Variants in GLI2 observed in about 807,000 individuals in gnomAD.
GLI2 encodes GLI family zinc finger 2.
Under a neutral mutation model 78.9 loss-of-function variants are expected in GLI2, and 22 were observed. That is an observed-to-expected ratio of 0.28 (90% CI 0.20 to 0.40). GLI2 has a LOEUF of 0.40. GLI2 is among the 10% of genes least tolerant of loss of function. GLI2 has a pLI of 1.00. For missense variants in GLI2, 2,097 were observed against 2,213.2 expected, an observed-to-expected ratio of 0.95 and a Z score of 1.05; for synonymous variants, 974 against 963.7, an observed-to-expected ratio of 1.01 and a Z score of -0.20.
At chr2:120,913,878 G>A (rs1678956689) in intron 2 of GLI2, among the ~76,000 whole-genome samples, 1 of 152,226 alleles carries the variant, frequency 6.6e-6, no homozygotes. Context: ...CCAGGGCCTG[G>A]TGGAGACCAA....
intron 2 of GLI2, among the ~76,000 whole-genome samples, chr2:120,897,853 A>G (rs1034105934): frequency 2.0e-5 from 3 of 152,110 alleles, no homozygotes; most frequent in African/African-American, 7.2e-5. Flanking sequence ...GGGTGCTAAC[A>G]TTTTATGAGA....
intron 2 of GLI2, among the ~76,000 whole-genome samples, chr2:120,862,122 G>T (rs969240449): frequency 6.6e-6 from 1 of 152,160 alleles, no homozygotes. Flanking sequence ...GGCAGGCAAG[G>T]CTTGGGTGAC....
chr2:120,781,314 A>C (rs1463033998), intron 1 of GLI2, among the ~76,000 whole-genome samples: 1 of 152,104 alleles, frequency 6.6e-6, no homozygotes, highest in Non-Finnish European at 1.5e-5. Flanking sequence ...GCTGGGGCTT[A>C]GGGGCCAAAC....
chr2:120,791,235 G>C (rs13417967), intron 1 of GLI2, among the ~76,000 whole-genome samples: 1 of 152,192 alleles, frequency 6.6e-6, no homozygotes, highest in Non-Finnish European at 1.5e-5. Context: ...TCTCCTTCAG[G>C]GTGGAGGAGT....
intron 1 of GLI2, among the ~76,000 whole-genome samples, chr2:120,747,229 C>G (rs978777952): frequency 1.1e-4 from 16 of 152,194 alleles, no homozygotes; most frequent in African/African-American, 3.6e-4. Context: ...GAGGTGCTAG[C>G]TAGAGGTTTT....
At chr2:120,807,849 C>G (rs1558807351) in intron 2 of GLI2, among the ~76,000 whole-genome samples, 1 of 152,162 alleles carries the variant, frequency 6.6e-6, no homozygotes, top group Admixed American at 6.5e-5. Flanking sequence ...TTGGACCACC[C>G]CCCCACACAC....
chr2:120,873,094 T>C (rs1424473019), intron 2 of GLI2, among the ~76,000 whole-genome samples: 1 of 152,246 alleles, frequency 6.6e-6, no homozygotes, highest in Non-Finnish European at 1.5e-5. Context: ...AATGGGATTA[T>C]ATTGTGCTTG....
intron 6 of GLI2, among the ~76,000 whole-genome samples, chr2:120,969,874 A>G (rs1428087093): frequency 6.6e-6 from 1 of 152,230 alleles, no homozygotes; most frequent in East Asian, 1.9e-4. Context: ...TTACGGCCCA[A>G]CCACAGGGGT....
At position 120,739,286 on chromosome 2, in the gene GLI2, C is replaced by T. The variant is rs148972907; in HGVS notation, c.-31+3001C>T. ...CTTCCATTGTCCCCCACCCCTGCCC[C>T]GGGGGTACTCCACGGGAAAACTTCA... On this transcript the variant is annotated intron_variant, in intron 1 of 13. Coordinates refer to ENST00000361492, the MANE Select transcript of GLI2 (RefSeq NM_001374353.1). Among the ~76,000 whole-genome samples the T allele has an allele frequency of 5.7e-3, 870 of 152,200 alleles. 8 individuals are homozygous for T. Among genetic ancestry groups the T allele is most frequent in the African/African-American group, 0.02 (810 of 41,522 alleles).
chr2:120,939,607 C>T (rs1272851418), intron 3 of GLI2, among the ~76,000 whole-genome samples: 1 of 152,186 alleles, frequency 6.6e-6, no homozygotes, highest in Non-Finnish European at 1.5e-5. Flanking sequence ...CACGTTCTTC[C>T]GAAGATTTTC....
In GLI2 at chr2:120,951,674, G is replaced by A. The variant is rs145693442; in HGVS notation, c.457+229G>A. 498 of 528,778 alleles carry A rather than the reference G, an allele frequency of 9.4e-4. 2 individuals are homozygous for A. Among genetic ancestry groups the A allele is most frequent in the African/African-American group, 7.7e-3 (407 of 52,734 alleles). The allele number at this position is 528,778 out of a possible 1,614,324, so 32.8% of individuals were successfully genotyped here. A position where few individuals can be genotyped will look rare whatever the true frequency, so the allele number is the denominator to read the frequency against. On this transcript the variant is annotated intron_variant, in intron 4 of 13. Coordinates refer to ENST00000361492, the MANE Select transcript of GLI2 (RefSeq NM_001374353.1). ...GCATGCAAACCATATATGATCTATTGTAATAATAACAGTAAGGGTCTATCC... is the reference window on the plus strand; with the variant it reads ...GCATGCAAACCATATATGATCTATTATAATAATAACAGTAAGGGTCTATCC...
intron 1 of GLI2, among the ~76,000 whole-genome samples, chr2:120,789,832 G>A (rs1248840175): frequency 6.6e-6 from 1 of 152,204 alleles, no homozygotes; most frequent in East Asian, 1.9e-4. Context: ...GTGTGACTTC[G>A]GGGAGCTTAC....
intron 2 of GLI2, among the ~76,000 whole-genome samples, chr2:120,864,736 C>T (rs1033079305): frequency 1.1e-4 from 16 of 152,152 alleles, no homozygotes; most frequent in South Asian, 6.2e-4. Flanking sequence ...CGTGAGTCAC[C>T]GCGCCCGGCC....
intron 1 of GLI2, among the ~76,000 whole-genome samples, chr2:120,773,408 C>T (rs1683578543): frequency 6.6e-6 from 1 of 152,046 alleles, no homozygotes; most frequent in African/African-American, 2.4e-5. Flanking sequence ...ATCCTGTCAC[C>T]CGCGGTGACA....
intron 1 of GLI2, among the ~76,000 whole-genome samples, chr2:120,753,077 T>C (rs1047113259): frequency 2.6e-5 from 4 of 151,432 alleles, no homozygotes; most frequent in Non-Finnish European, 4.4e-5. Flanking sequence ...GGTGGGTGTT[T>C]TTTTTTTCTG....
intron 11 of GLI2, among the ~76,000 whole-genome samples, chr2:120,984,012 A>G (rs1682847802): frequency 6.6e-6 from 1 of 151,276 alleles, no homozygotes; most frequent in African/African-American, 2.4e-5. Context: ...AGGTTCGGAA[A>G]TCCTGGGTTT....
chr2:120,970,382 CTCTGTT>C lies in GLI2; in HGVS notation c.846-10_846-5del. On this transcript the variant is annotated splice_region_variant and splice_polypyrimidine_tract_variant and intron_variant, in intron 6 of 13. Coordinates refer to ENST00000361492, the MANE Select transcript of GLI2 (RefSeq NM_001374353.1). ...CCCCACCCCCACTTCCTTGTCTGCT[CTCTGTT>C]GCAGCCCAGCCTTCACCTTCCCCCA... The C allele has an allele frequency of 6.5e-7, 1 of 1,532,492 alleles. No individual in the cohort carries two copies. The allele number at this position is 1,532,492 out of a possible 1,614,324, so 94.9% of individuals were successfully genotyped here. A position where few individuals can be genotyped will look rare whatever the true frequency, so the allele number is the denominator to read the frequency against.
In GLI2 at chr2:120,914,618, G is replaced by A. The variant is rs12618675; in HGVS notation, c.149-12743G>A. 6.9e-4 allele frequency among the ~76,000 whole-genome samples: 105 copies of A among 152,236 alleles called. 2 individuals carry two copies. In the East Asian group the frequency reaches 0.015, roughly 22 times the overall value. On this transcript the variant is annotated intron_variant, in intron 2 of 13. Coordinates refer to ENST00000361492, the MANE Select transcript of GLI2 (RefSeq NM_001374353.1). ...AGCCCCTCCCATTCCTTGTGATGGC[G>A]GGGATCTCCCAGGTGTCCCTCTGGA...
chr2:120,925,847 C>A lies in GLI2; in HGVS notation c.149-1514C>A, dbSNP rs556946877. Among the ~76,000 whole-genome samples, 11 of 150,440 alleles carry A rather than the reference C, an allele frequency of 7.3e-5. No individual in the cohort carries two copies. The East Asian group carries it at 8.0e-4, about 11-fold the overall frequency. ...CAGCACTTTGGGAGGCCGAGGCGGG[C>A]GGATCACAAGGTCAGGAGATTGAGA... On this transcript the variant is annotated intron_variant, in intron 2 of 13. Transcript: ENST00000361492.
Sources: allele counts gnomAD v4.1 joint callset (sites outside exome capture counted in the v4.1 genomes callset), GRCh38; gene constraint gnomAD v4.1.1; transcripts MANE v1.5; gene names NCBI Gene and HGNC (gene_info 2026-07-23, HGNC 2026-07-21).